The following SGCZ variants were observed in gnomAD, a reference collection of about 807,000 sequenced individuals.
SGCZ encodes sarcoglycan zeta.
SGCZ carries 40 observed loss-of-function variants against 41.3 expected under a neutral mutation model. That is an observed-to-expected ratio of 0.97 (90% CI 0.75 to 1.26). The LOEUF (loss-of-function observed/expected upper bound fraction) is 1.26. Ranked by LOEUF, SGCZ falls within the 50% of genes most tolerant of loss-of-function variation. SGCZ has a pLI of 0.00. For synonymous variants in SGCZ, 206 were observed against 137.5 expected, an observed-to-expected ratio of 1.50 and a Z score of -3.49; for missense variants, 552 against 369.8, an observed-to-expected ratio of 1.49 and a Z score of -4.04.
chr8:14,373,089 G>T (rs996586854), intron 2 of SGCZ, among the ~76,000 whole-genome samples: 5 of 152,016 alleles, frequency 3.3e-5, no homozygotes, highest in African/African-American at 1.2e-4. Context: ...TAATCTAGAG[G>T]AAAGAAAATG....
At chr8:14,167,018 A>T (rs989983136) in intron 4 of SGCZ, among the ~76,000 whole-genome samples, 1 of 152,152 alleles carries the variant, frequency 6.6e-6, no homozygotes. Context: ...CAGAAGGCAA[A>T]ATTACAAGCA....
Position 14,085,837 on chromosome 8 carries a change from A to G in SGCZ, c.*4606T>C, listed in dbSNP as rs530343907. 1.3e-5 allele frequency among the ~76,000 whole-genome samples: 2 copies of G among 151,952 alleles called. No homozygotes were observed. The highest frequency in any genetic ancestry group is 2.4e-5 in the African/African-American group (1 of 41,552). On this transcript the variant is annotated 3_prime_UTR_variant, in exon 8 of 8. Transcript: ENST00000382080. ...AGAAGGATGTTTACTACCTCATGTT[A>G]TAATTATAAGCCCCCCTATTCATTT...
At chr8:14,831,070 C>G (rs879137125) in intron 1 of SGCZ, among the ~76,000 whole-genome samples, 4 of 152,228 alleles carry the variant, frequency 2.6e-5, no homozygotes, top group Admixed American at 2.6e-4. Flanking sequence ...TCTCAGTTTC[C>G]TTGCTCATAA....
intron 1 of SGCZ, among the ~76,000 whole-genome samples, chr8:14,968,101 G>A (rs1266306232): frequency 2.6e-5 from 4 of 152,094 alleles, no homozygotes; most frequent in African/African-American, 7.2e-5. Context: ...GGCCATTTTG[G>A]TGTCTCATCA....
At chr8:14,518,901 A>AT (rs1262316285) in intron 2 of SGCZ, among the ~76,000 whole-genome samples, 3 of 150,126 alleles carry the variant, frequency 2.0e-5, no homozygotes, top group African/African-American at 7.4e-5. Context: ...TACCAAAAAA[A>AT]AAAAAAAAAA....
chr8:14,557,482 G>C (rs548200468), intron 1 of SGCZ, among the ~76,000 whole-genome samples: 52 of 152,140 alleles, frequency 3.4e-4, no homozygotes, highest in African/African-American at 9.4e-4. Flanking sequence ...TGGGCTCTTA[G>C]TCATGAAATC....
chr8:14,498,941 C>G (rs184834308), intron 2 of SGCZ, among the ~76,000 whole-genome samples: 1 of 151,696 alleles, frequency 6.6e-6, no homozygotes, highest in East Asian at 1.9e-4. Flanking sequence ...TTAGTCTTGC[C>G]TATGACACCA....
At chr8:14,573,761 A>T (rs951587989) in intron 1 of SGCZ, among the ~76,000 whole-genome samples, 9 of 152,204 alleles carry the variant, frequency 5.9e-5, no homozygotes, top group African/African-American at 1.9e-4. Flanking sequence ...AACGAATAGT[A>T]TAAGTAGTAT....
At chr8:15,234,784 A>T (rs1274483648) in intron 1 of SGCZ, among the ~76,000 whole-genome samples, 1 of 152,190 alleles carries the variant, frequency 6.6e-6, no homozygotes, top group Non-Finnish European at 1.5e-5. Context: ...TGTTGTTAAA[A>T]TCTCAAAGAG....
chr8:14,324,745 G>A (rs991052437), intron 2 of SGCZ, among the ~76,000 whole-genome samples: 2 of 151,894 alleles, frequency 1.3e-5, no homozygotes, highest in Admixed American at 1.3e-4. Context: ...TTTTTGAGAA[G>A]GATAAAACAG....
In SGCZ at chr8:14,983,614, G is replaced by C. The variant is rs555732748; in HGVS notation, c.39+253971C>G. On this transcript the variant is annotated intron_variant, in intron 1 of 7. Transcript: ENST00000382080. Reference sequence around the variant, plus strand: ...CCTACCTTGGCCTCTCAAGGTGCTAGGATTACAGATGTGAGCCACCGTGCC... The same window carrying C: ...CCTACCTTGGCCTCTCAAGGTGCTACGATTACAGATGTGAGCCACCGTGCC... 2.6e-5 allele frequency among the ~76,000 whole-genome samples: 4 copies of C among 152,196 alleles called. No homozygotes were observed. The South Asian group carries it at 6.2e-4, about 24-fold the overall frequency.
intron 2 of SGCZ, among the ~76,000 whole-genome samples, chr8:14,495,124 G>C (rs1029475459): frequency 6.6e-6 from 1 of 152,108 alleles, no homozygotes; most frequent in Non-Finnish European, 1.5e-5. Context: ...TGTGGATTCA[G>C]TACCAAGCGC....
At chr8:15,058,265 G>A (rs1014933575) in intron 1 of SGCZ, among the ~76,000 whole-genome samples, 1 of 152,118 alleles carries the variant, frequency 6.6e-6, no homozygotes, top group South Asian at 2.1e-4. Flanking sequence ...TATTCTCCAT[G>A]TATCTTTTCT....
chr8:14,271,828 A>G (rs1275795104), intron 3 of SGCZ, among the ~76,000 whole-genome samples: 2 of 152,140 alleles, frequency 1.3e-5, no homozygotes, highest in Non-Finnish European at 2.9e-5. Flanking sequence ...ACAACTGAAC[A>G]ATTGCTGTTA....
intron 1 of SGCZ, among the ~76,000 whole-genome samples, chr8:15,182,609 C>T (rs1225903189): frequency 6.6e-6 from 1 of 152,000 alleles, no homozygotes; most frequent in Non-Finnish European, 1.5e-5. Context: ...GGACCCTTAC[C>T]ATGAATGGAG....
intron 1 of SGCZ, among the ~76,000 whole-genome samples, chr8:14,629,676 T>C (rs1412906330): frequency 6.6e-6 from 1 of 152,040 alleles, no homozygotes; most frequent in Non-Finnish European, 1.5e-5. Flanking sequence ...GGTGAATCCT[T>C]GTCTATGGAA....
chr8:14,532,215 G>A (rs968434755), intron 2 of SGCZ, among the ~76,000 whole-genome samples: 1 of 151,412 alleles, frequency 6.6e-6, no homozygotes, highest in Non-Finnish European at 1.5e-5. Flanking sequence ...CCAGATGATA[G>A]AGAAGAAATT....
chr8:14,999,523 T>C (rs1169073325), intron 1 of SGCZ, among the ~76,000 whole-genome samples: 1 of 152,112 alleles, frequency 6.6e-6, no homozygotes, highest in Non-Finnish European at 1.5e-5. Flanking sequence ...ATACAGAGGA[T>C]GCTGCAATAC....
At chr8:14,232,405 A>T (rs1459152122) in intron 4 of SGCZ, among the ~76,000 whole-genome samples, 1 of 152,054 alleles carries the variant, frequency 6.6e-6, no homozygotes, top group African/African-American at 2.4e-5. Context: ...AATATGAAAA[A>T]GGAAACTCAT....
Sources: gnomAD v4.1 joint callset for allele counts (sites outside exome capture counted in the v4.1 genomes callset) on GRCh38, gnomAD v4.1.1 for gene constraint, MANE v1.5 for transcripts, NCBI Gene and HGNC (gene_info 2026-07-23, HGNC 2026-07-21) for gene names.